MSLN: variants seen among roughly 807,000 people sequenced by gnomAD.
MSLN encodes the protein CAK1 antigen.
A neutral mutation model predicts 72.6 loss-of-function variants in MSLN; 82 were observed. The ratio of observed to expected loss-of-function variants is 1.13; its 90% CI spans 0.94 to 1.36. The LOEUF is 1.36. Ranked by LOEUF, MSLN falls within the 40% of genes most tolerant of loss-of-function variation. MSLN has a pLI of 0.00. For missense variants in MSLN, 1,005 were observed against 847.9 expected (o/e 1.19, Z -2.30); for synonymous variants, 456 against 387.3 (o/e 1.18, Z -2.08).
At chr16:768,328 G>T in intron 16 of MSLN, 51 bp from the exon 17 acceptor site, 1 of 1,473,792 alleles carries the variant, frequency 6.8e-7, no homozygotes, top group South Asian at 1.4e-5. Context: ...GCCCTCTGGC[G>T]GCGCTGAGGG....
chr16:765,395 G>T (rs1410100388), intron 9 of MSLN, 92 bp downstream of exon 9: 1 of 1,425,988 alleles, frequency 7.0e-7, no homozygotes, highest in Non-Finnish European at 9.3e-7. Context: ...AAGGCCCAGG[G>T]TCAGTCACCC....
intron 2 of MSLN, among the ~76,000 whole-genome samples, chr16:762,237 AGCCCAGGCACCTGCAGCTGAGG>A (rs1371123566): frequency 6.6e-6 from 1 of 152,202 alleles, no homozygotes; most frequent in East Asian, 1.9e-4. Context: ...GTGTTCACAA[AGCCCAGGCACCTGCAGCTGAGG>A]GCAGGGGAGA....
At chr16:764,219 C>A in intron 6 of MSLN, 76 bp downstream of exon 6, 1 of 1,527,058 alleles carries the variant, frequency 6.5e-7, no homozygotes, top group African/African-American at 1.4e-5. Context: ...CAGTGCCCAC[C>A]TTGCCACCAC....
chr16:765,540 T>C lies in MSLN; in HGVS notation c.718T>C (p.Trp240Arg). Residue 240 changes from tryptophan (W) to arginine (R), a missense_variant, in exon 10 of 18, where the codon TGG (tryptophan) becomes CGG (arginine). Trp to Arg is a moderately radical substitution (Grantham distance 101, BLOSUM62 -3). Coordinates refer to ENST00000545450, the MANE Select transcript of MSLN (RefSeq NM_005823.6). Reference sequence around the variant, plus strand: ...GTGTCTGCACAGCCCCCCGTCGACATGGTCTGTCTCCACGATGGACGCTCT... The same window carrying C: ...GTGTCTGCACAGCCCCCCGTCGACACGGTCTGTCTCCACGATGGACGCTCT... ...GGPPYGPPST[W>R]SVSTMDALRG... is the part of the protein sequence containing the mutation. 1 of 1,606,436 alleles carries C rather than the reference T, an allele frequency of 6.2e-7. No individual in the cohort carries two copies. The highest frequency in any genetic ancestry group is 1.7e-5 in the Admixed American group (1 of 59,936).
Position 764,737 on chromosome 16 carries a change from C to A in MSLN, c.380+11C>A. The A allele has an allele frequency of 6.3e-7, 1 of 1,597,192 alleles. No homozygotes were observed. Among genetic ancestry groups the A allele is most frequent in the Non-Finnish European group, 8.6e-7 (1 of 1,167,750 alleles). ...GCTGCTATTCCTCAAGTAGGCCCTG[C>A]CCCCTGAACCCACCCCCCCGGCTTT... is the stretch of plus-strand genomic sequence containing the variant. On this transcript the variant is annotated intron_variant, in intron 7 of 17. Coordinates refer to ENST00000545450, the MANE Select transcript of MSLN (RefSeq NM_005823.6).
At chr16:767,224 C>T in intron 15 of MSLN, 152 bp from the exon 16 acceptor site, 1 of 1,083,212 alleles carries the variant, frequency 9.2e-7, no homozygotes, top group Non-Finnish European at 1.4e-6. Context: ...GTCTCCCACG[C>T]CTGGGGGTCA....
intron 16 of MSLN, 33 bp from the exon 17 acceptor site, chr16:768,346 C>T (rs2041668920): frequency 1.3e-6 from 2 of 1,497,152 alleles, no homozygotes; most frequent in Non-Finnish European, 1.8e-6. Flanking sequence ...GGGAAGGAGA[C>T]CCTCCTTGAT....
chr16:768,122 A>C (rs1319916716), intron 16 of MSLN, among the ~76,000 whole-genome samples: 2 of 96,670 alleles, frequency 2.1e-5, no homozygotes, highest in Non-Finnish European at 4.3e-5. Flanking sequence ...AGGAGGGGCC[A>C]ACGGGGGGTG....
intron 7 of MSLN, 71 bp from the exon 8 acceptor site, chr16:764,836 G>C: frequency 6.3e-7 from 1 of 1,590,056 alleles, no homozygotes; most frequent in Non-Finnish European, 8.6e-7. Flanking sequence ...TGTGGAGGCC[G>C]GCCGGGCTGC....
intron 9 of MSLN, 77 bp from the exon 10 acceptor site, chr16:765,450 A>C: frequency 6.9e-7 from 1 of 1,456,722 alleles, no homozygotes; most frequent in Non-Finnish European, 9.2e-7. Context: ...CTCCACAGCC[A>C]GGGGGTACGG....
In MSLN at chr16:762,548, G is replaced by A. The variant is rs2041548855; in HGVS notation, c.-9-124G>A. 6.9e-6 allele frequency: 5 copies of A among 726,240 alleles called. No homozygotes were observed. The South Asian group carries it at 8.0e-5, about 12-fold the overall frequency. The allele number at this position is 726,240 out of a possible 1,614,324, so 45.0% of individuals were successfully genotyped here. A position where few individuals can be genotyped will look rare whatever the true frequency, so the allele number is the denominator to read the frequency against. ...GGGCAGGGCCAGGGTGCGGACACAAGCTGCAGGTACCACAGAAGTTTGCTC... is the reference window on the plus strand; with the variant it reads ...GGGCAGGGCCAGGGTGCGGACACAAACTGCAGGTACCACAGAAGTTTGCTC... On this transcript the variant is annotated intron_variant, in intron 2 of 17. Transcript: ENST00000545450.
At chr16:763,169 C>T (rs900472684) in intron 3 of MSLN, 64 bp from the exon 4 acceptor site, 8 of 1,140,028 alleles carry the variant, frequency 7.0e-6, no homozygotes, top group Middle Eastern at 2.3e-4. Context: ...TCCTTCCTCC[C>T]CTGGGTCAGG....
chr16:767,280 A>G, intron 15 of MSLN, 96 bp from the exon 16 acceptor site: 1 of 1,233,836 alleles, frequency 8.1e-7, no homozygotes, highest in South Asian at 1.2e-5. Flanking sequence ...GGAAAAAGGG[A>G]AGCCCTGTAA....
Sources: allele counts gnomAD v4.1 joint callset (sites outside exome capture counted in the v4.1 genomes callset), GRCh38; gene constraint gnomAD v4.1.1; transcripts MANE v1.5; gene names NCBI Gene and HGNC (gene_info 2026-07-23, HGNC 2026-07-21).